RNF13: variants seen among roughly 807,000 people sequenced by gnomAD.
RNF13 encodes the protein ring finger protein 13.
RNF13 carries 19 observed loss-of-function variants against 37.7 expected under a neutral mutation model. The ratio of observed to expected loss-of-function variants is 0.50; its 90% CI spans 0.35 to 0.74. The LOEUF (loss-of-function observed/expected upper bound fraction) is 0.74. Ranked by LOEUF, RNF13 falls within the 30% of genes least tolerant of loss-of-function variation. RNF13 has a pLI of 0.01. For synonymous variants in RNF13, 144 were observed against 157.8 expected, an observed-to-expected ratio of 0.91 and a Z score of 0.65; for missense variants, 375 against 453.0, an observed-to-expected ratio of 0.83 and a Z score of 1.56.
At chr3:149,951,009 A>G (rs560964052) in intron 8 of RNF13, among the ~76,000 whole-genome samples, 1 of 152,188 alleles carries the variant, frequency 6.6e-6, no homozygotes, top group Non-Finnish European at 1.5e-5. Flanking sequence ...TTTCTTGGGG[A>G]AAGGCCTTGT....
At chr3:149,852,454 C>A in intron 2 of RNF13, 62 bp from the exon 3 acceptor site, 1 of 653,916 alleles carries the variant, frequency 1.5e-6, no homozygotes, top group Non-Finnish European at 2.5e-6. Context: ...TTAAATAAGT[C>A]TTTGTTTTTA....
chr3:149,825,023 G>C (rs896331864), intron 1 of RNF13, among the ~76,000 whole-genome samples: 16 of 149,356 alleles, frequency 1.1e-4, no homozygotes, highest in African/African-American at 4.0e-4. Context: ...GTGCACTGGC[G>C]ATCATAGCTC....
At chr3:149,864,008 ATTTTTTTTT>A (rs535062004) in intron 3 of RNF13, among the ~76,000 whole-genome samples, 1 of 29,692 alleles carries the variant, frequency 3.4e-5, no homozygotes, top group Non-Finnish European at 5.6e-5. Flanking sequence ...TTTGATTGGA[ATTTTTTTTT>A]TTTTTTTTTT....
chr3:149,922,998 A>G (rs928843203), intron 8 of RNF13, among the ~76,000 whole-genome samples: 2 of 152,002 alleles, frequency 1.3e-5, no homozygotes, highest in African/African-American at 4.8e-5. Flanking sequence ...GAGTGGAGGG[A>G]GAAAATAGAG....
At chr3:149,917,504 A>G (rs1005093517) in intron 7 of RNF13, 1 of 151,982 alleles carries the variant, frequency 6.6e-6, no homozygotes, top group Admixed American at 6.6e-5. Flanking sequence ...TGGCCAGTTC[A>G]TGGTCTTATT....
intron 8 of RNF13, among the ~76,000 whole-genome samples, chr3:149,949,656 C>G (rs1721119653): frequency 6.6e-6 from 1 of 151,820 alleles, no homozygotes; most frequent in African/African-American, 2.4e-5. Context: ...TTCTGAGGTT[C>G]CCATAATGCA....
In RNF13 at chr3:149,921,189, A is replaced by G. The variant is rs1718086922; in HGVS notation, c.662A>G (p.Asp221Gly). Residue 221 changes from aspartate (D) to glycine (G), a missense_variant, in exon 8 of 10, where the codon GAT becomes GGT. By Grantham distance (94) the Asp-to-Gly change is moderately conservative. Transcript: ENST00000392894. ...GCTAGAAGAAACAGACTTCGTAAAG[A>G]TCAACTTAAGAAACTTCCTGTACAT... ...HRARRNRLRK[D>G]QLKKLPVHKF... 7.0e-7 allele frequency: 1 copy of G among 1,432,602 alleles called. No homozygotes were observed. The highest frequency in any genetic ancestry group is 9.3e-7 in the Non-Finnish European group (1 of 1,078,158). The allele number at this position is 1,432,602 out of a possible 1,614,324, so 88.7% of individuals were successfully genotyped here.
intron 5 of RNF13, among the ~76,000 whole-genome samples, chr3:149,900,034 A>G (rs1001117432): frequency 4.6e-5 from 7 of 152,206 alleles, no homozygotes; most frequent in Non-Finnish European, 8.8e-5. Flanking sequence ...TTTTAAAAGT[A>G]TTTTGTGAAG....
intron 3 of RNF13, among the ~76,000 whole-genome samples, chr3:149,869,146 C>T (rs1335241650): frequency 6.6e-6 from 1 of 151,602 alleles, no homozygotes; most frequent in Non-Finnish European, 1.5e-5. Context: ...ATGAATTTTT[C>T]AGGTCAGCAG....
intron 4 of RNF13, among the ~76,000 whole-genome samples, chr3:149,880,443 A>G (rs1194198587): frequency 6.6e-6 from 1 of 152,170 alleles, no homozygotes; most frequent in Non-Finnish European, 1.5e-5. Flanking sequence ...CAATTCTGAC[A>G]AATATTTAGG....
At chr3:149,927,570 A>G (rs1479136492) in intron 8 of RNF13, among the ~76,000 whole-genome samples, 1 of 152,222 alleles carries the variant, frequency 6.6e-6, no homozygotes, top group African/African-American at 2.4e-5. Flanking sequence ...ACCATTTTAC[A>G]TTCCCAGCAG....
chr3:149,860,300 T>TATATATATATATATATATAA (rs1467450547), intron 3 of RNF13, among the ~76,000 whole-genome samples: 24 of 128,696 alleles, frequency 1.9e-4, no homozygotes, highest in South Asian at 7.5e-4. Context: ...TATATATATA[T>TATATATATATATATATATAA]AACGTGTATA....
At chr3:149,896,471 C>T (rs1715273945) in intron 5 of RNF13, among the ~76,000 whole-genome samples, 1 of 151,464 alleles carries the variant, frequency 6.6e-6, no homozygotes, top group African/African-American at 2.4e-5. Context: ...TTTGTTTTTG[C>T]CCTTCTTCTT....
In RNF13 at chr3:149,912,453, C is replaced by T. The variant is rs147546789; in HGVS notation, c.606+370C>T. 8.3e-4 allele frequency among the ~76,000 whole-genome samples: 126 copies of T among 151,866 alleles called. 1 individual carries two copies. In the East Asian group the frequency reaches 0.02, roughly 24 times the overall value. ...ATTATATGTAAATTTTACCTCAAAACGAATTGCAAAAAAAATTTACTAAAC... is the reference window on the plus strand; with the variant it reads ...ATTATATGTAAATTTTACCTCAAAATGAATTGCAAAAAAAATTTACTAAAC... On this transcript the variant is annotated intron_variant, in intron 7 of 9. Transcript: ENST00000392894.
At chr3:149,886,125 T>C (rs1714002060) in intron 4 of RNF13, among the ~76,000 whole-genome samples, 1 of 152,228 alleles carries the variant, frequency 6.6e-6, no homozygotes, top group African/African-American at 2.4e-5. Flanking sequence ...CTGTTTTGGT[T>C]ACTATAGCTG....
chr3:149,877,623 A>G (rs987763716), intron 4 of RNF13, among the ~76,000 whole-genome samples: 5 of 151,798 alleles, frequency 3.3e-5, no homozygotes, highest in Non-Finnish European at 7.4e-5. Context: ...CTGCACTACT[A>G]TTTCAGTAGT....
At chr3:149,877,027 G>A (rs959676500) in intron 4 of RNF13, among the ~76,000 whole-genome samples, 5 of 151,880 alleles carry the variant, frequency 3.3e-5, no homozygotes, top group Non-Finnish European at 7.4e-5. Flanking sequence ...TGATCCACCC[G>A]CCTCGGCCTC....
chr3:149,877,119 G>A (rs1346732418), intron 4 of RNF13, among the ~76,000 whole-genome samples: 1 of 152,050 alleles, frequency 6.6e-6, no homozygotes, highest in Non-Finnish European at 1.5e-5. Context: ...ATCAGTCTCT[G>A]TTTCTCTCTG....
rs141298655 is a variant in RNF13, at chr3:149,874,058, TAGAC to T, written c.321+1907_321+1910del. On this transcript the variant is annotated intron_variant, in intron 4 of 9. Coordinates refer to ENST00000392894, the MANE Select transcript of RNF13 (RefSeq NM_183381.3). The stretch of plus-strand genomic sequence containing the variant: ...GTTTTCAGTTGAGCCATTCTAATGT[TAGAC>T]AGGGAAATGTTAAAAAAATTCTCAT... 3.1e-3 allele frequency among the ~76,000 whole-genome samples: 479 copies of T among 152,336 alleles called. 1 individual carries two copies. Among genetic ancestry groups the T allele is most frequent in the Non-Finnish European group, 5.6e-3 (384 of 68,030 alleles).
Sources: gnomAD v4.1 joint callset for allele counts (sites outside exome capture counted in the v4.1 genomes callset) on GRCh38, gnomAD v4.1.1 for gene constraint, MANE v1.5 for transcripts, NCBI Gene and HGNC (gene_info 2026-07-23, HGNC 2026-07-21) for gene names.